Variants in ATF3 observed in about 807,000 individuals in gnomAD.
The protein encoded by ATF3 is cyclic AMP-dependent transcription factor ATF-3.
Under a neutral mutation model 18.4 loss-of-function variants are expected in ATF3, and 10 were observed. That is an observed-to-expected ratio of 0.54 (90% CI 0.34 to 0.92). ATF3 has a LOEUF of 0.92. Ranked by LOEUF, ATF3 falls within the 40% of genes least tolerant of loss-of-function variation. The pLI is 0.02. For synonymous variants in ATF3, 78 were observed against 87.9 expected (o/e 0.89, Z 0.63); for missense variants, 183 against 222.3 (o/e 0.82, Z 1.12).
chr1:212,589,846 C>A (rs1474437590), intron 1 of ATF3, among the ~76,000 whole-genome samples: 1 of 145,576 alleles, frequency 6.9e-6, no homozygotes, highest in Non-Finnish European at 1.5e-5. Context: ...TTCAGTTTAA[C>A]GTTTCTGCAA....
chr1:212,577,297 T>C lies in ATF3; in HGVS notation c.-5+11814T>C, dbSNP rs117857107. Among the ~76,000 whole-genome samples, 125 of 152,276 alleles carry C rather than the reference T, an allele frequency of 8.2e-4. 1 individual carries two copies. In the East Asian group the frequency reaches 0.021, roughly 25 times the overall value. On this transcript the variant is annotated intron_variant, in intron 1 of 3. Transcript: ENST00000366981. Reference sequence around the variant, plus strand: ...ACCTTTTTTTAACTGACAGATAAAATGATATATATTTATAGTGTTCAATGT... The same window carrying C: ...ACCTTTTTTTAACTGACAGATAAAACGATATATATTTATAGTGTTCAATGT...
rs979002819 is a variant in ATF3 at position 212,566,362 on chromosome 1, T to C, written c.-5+879T>C. ...GAGTGTCTGGCTCTGCCATTTGCTGTGCGACCTTGGACAAGGACACCCCTT... is the reference window on the plus strand; with the variant it reads ...GAGTGTCTGGCTCTGCCATTTGCTGCGCGACCTTGGACAAGGACACCCCTT... On this transcript the variant is annotated intron_variant, in intron 1 of 3. Coordinates refer to the ATF3 transcript ENST00000366981. 7.9e-5 allele frequency among the ~76,000 whole-genome samples: 12 copies of C among 152,192 alleles called. No homozygotes were observed. The East Asian group carries it at 2.3e-3, about 29-fold the overall frequency.
chr1:212,570,462 T>C (rs545164507), intron 1 of ATF3, among the ~76,000 whole-genome samples: 1 of 152,330 alleles, frequency 6.6e-6, no homozygotes, highest in South Asian at 2.1e-4. Flanking sequence ...AGGGTATGAC[T>C]TTTTCAGGTG....
At position 212,566,669 on chromosome 1, in the gene ATF3, A is replaced by G. The variant is rs552008516; in HGVS notation, c.-5+1186A>G. On this transcript the variant is annotated intron_variant, in intron 1 of 3. Transcript: ENST00000366981. ...CTGTTCCTTTCCCAGCAGCCGAGGA[A>G]GGGGAAACAGTTGAGAGGTTATAAA... Among the ~76,000 whole-genome samples the G allele has an allele frequency of 5.3e-5, 8 of 152,236 alleles. No homozygotes were observed. The South Asian group carries it at 1.7e-3, about 32-fold the overall frequency.
At chr1:212,578,914 C>T (rs1027778894) in intron 1 of ATF3, among the ~76,000 whole-genome samples, 1 of 151,856 alleles carries the variant, frequency 6.6e-6, no homozygotes, top group Non-Finnish European at 1.5e-5. Flanking sequence ...CAGGCATGGA[C>T]TCATTCCCAA....
intron 1 of ATF3, among the ~76,000 whole-genome samples, chr1:212,598,088 C>T (rs1419302408): frequency 6.6e-6 from 1 of 152,144 alleles, no homozygotes; most frequent in East Asian, 1.9e-4. Flanking sequence ...AAAGTTTATA[C>T]TTTCATCTTT....
chr1:212,567,764 A>G (rs1356531399), intron 1 of ATF3, among the ~76,000 whole-genome samples: 2 of 152,230 alleles, frequency 1.3e-5, no homozygotes, highest in Admixed American at 1.3e-4. Context: ...AGATGGGGGC[A>G]GAAGCCCATG....
intron 1 of ATF3, among the ~76,000 whole-genome samples, chr1:212,572,907 A>T (rs1664511685): frequency 6.6e-6 from 1 of 152,228 alleles, no homozygotes; most frequent in Non-Finnish European, 1.5e-5. Flanking sequence ...ATTTCTACAT[A>T]CAAATTTTTA....
intron 1 of ATF3, among the ~76,000 whole-genome samples, chr1:212,597,476 AT>A (rs1654330751): frequency 1.3e-5 from 2 of 148,832 alleles, no homozygotes; most frequent in African/African-American, 5.0e-5. Context: ...CTAGCTAGCT[AT>A]CCATCCATTC....
chr1:212,615,433 G>T (rs1383442667), intron 2 of ATF3, among the ~76,000 whole-genome samples, 172 bp downstream of exon 2: 1 of 152,136 alleles, frequency 6.6e-6, no homozygotes, highest in Non-Finnish European at 1.5e-5. Flanking sequence ...ACATACGTAA[G>T]TACACGTTAA....
At chr1:212,595,410 T>A (rs1664972083) in intron 1 of ATF3, among the ~76,000 whole-genome samples, 1 of 152,196 alleles carries the variant, frequency 6.6e-6, no homozygotes, top group Non-Finnish European at 1.5e-5. Context: ...GTCCAGCTAG[T>A]GAGCTGCCTC....
chr1:212,616,834 A>G (rs1655150880), intron 2 of ATF3, among the ~76,000 whole-genome samples: 1 of 152,124 alleles, frequency 6.6e-6, no homozygotes. Flanking sequence ...GGGAAGACTC[A>G]AGGGTGACTG....
Position 212,615,031 on chromosome 1 carries a change from C to G in ATF3, c.10C>G (p.Gln4Glu). The change falls in exon 2 of 4, where the codon CAA becomes GAA. Residue 4 changes from glutamine (Q) to glutamate (E), a missense_variant. Coordinates refer to ENST00000341491, the MANE Select transcript of ATF3 (RefSeq NM_001674.4). MML[Q>E]HPGQVSASEV... ...TGTGTCTTTCAGCAAAATGATGCTT[C>G]AACACCCAGGCCAGGTCTCTGCCTC... is the stretch of plus-strand genomic sequence containing the variant. 1 of 1,614,194 alleles carries G rather than the reference C, an allele frequency of 6.2e-7. No homozygotes were observed. Among genetic ancestry groups the G allele is most frequent in the Non-Finnish European group, 8.5e-7 (1 of 1,180,024 alleles).
chr1:212,619,197 C>T lies in ATF3; in HGVS notation c.349-161C>T, dbSNP rs943604526. On this transcript the variant is annotated intron_variant, in intron 3 of 3. Coordinates refer to ENST00000341491, the MANE Select transcript of ATF3 (RefSeq NM_001674.4). This position sits in a 1 kb window ranked among gnomAD's most constrained non-coding sequence, Gnocchi z 4.4. ...CTCTGAAGAAGAGGGTCTGCATTTT[C>T]CTAAACCCAGTGCTGCTCTCCCATC... The T allele has an allele frequency of 1.2e-6, 2 of 1,611,516 alleles. No homozygotes were observed. The highest frequency in any genetic ancestry group is 1.7e-6 in the Non-Finnish European group (2 of 1,179,570).
chr1:212,593,717 G>T, intron 1 of ATF3, among the ~76,000 whole-genome samples: 1 of 141,348 alleles, frequency 7.1e-6, no homozygotes, highest in South Asian at 2.3e-4. Context: ...CTCCAGCCTG[G>T]ATGATAGAGA....
chr1:212,595,611 T>C (rs1226478905), intron 1 of ATF3, among the ~76,000 whole-genome samples: 5 of 152,258 alleles, frequency 3.3e-5, no homozygotes, highest in Non-Finnish European at 5.9e-5. Context: ...TTGGGATGGA[T>C]AGATGCTGAA....
At chr1:212,579,040 C>T (rs1434206498) in intron 1 of ATF3, among the ~76,000 whole-genome samples, 2 of 130,942 alleles carry the variant, frequency 1.5e-5, no homozygotes, top group African/African-American at 2.9e-5. Flanking sequence ...GAGACAGAGT[C>T]TCACTCTGTT....
In ATF3 at chr1:212,615,004, A is replaced by G. The variant is rs1247566015; in HGVS notation, c.-4-14A>G. On this transcript the variant is annotated splice_polypyrimidine_tract_variant and intron_variant, in intron 1 of 3. Coordinates refer to ENST00000341491, the MANE Select transcript of ATF3 (RefSeq NM_001674.4). ...GAGCCCCTGAAACAGTTTGGGTTTC[A>G]ATGTGTCTTTCAGCAAAATGATGCT... 1 of 1,614,058 alleles carries G rather than the reference A, an allele frequency of 6.2e-7. No homozygotes were observed. Among genetic ancestry groups the G allele is most frequent in the African/African-American group, 1.3e-5 (1 of 74,916 alleles).
intron 1 of ATF3, among the ~76,000 whole-genome samples, chr1:212,574,544 A>G (rs1032864545): frequency 2.0e-5 from 3 of 152,028 alleles, no homozygotes; most frequent in African/African-American, 7.2e-5. Context: ...AATCAAATAT[A>G]TCCCTCTTAT....
Sources: allele counts gnomAD v4.1 joint callset (sites outside exome capture counted in the v4.1 genomes callset), GRCh38; gene constraint gnomAD v4.1.1; non-coding constraint Gnocchi (gnomAD v3.1); transcripts MANE v1.5; gene names NCBI Gene and HGNC (gene_info 2026-07-23, HGNC 2026-07-21).